ZSCAN21: variants seen among roughly 807,000 people sequenced by gnomAD.
ZSCAN21 encodes the protein zinc finger and SCAN domain containing 21.
Under a neutral mutation model 35.6 loss-of-function variants are expected in ZSCAN21, and 26 were observed. That is an observed-to-expected ratio of 0.73 (90% CI 0.54 to 1.01). The LOEUF (loss-of-function observed/expected upper bound fraction) is 1.01, where lower values mean the gene tolerates loss of function less well. Among genes scored for constraint, ZSCAN21 ranks in the 50% least tolerant of loss-of-function variants. The probability of loss-of-function intolerance (pLI) is 0.00; values close to 1 mark genes in which losing one functional copy is unlikely to be tolerated. For missense variants in ZSCAN21, 593 were observed against 587.1 expected (o/e 1.01, Z -0.10); for synonymous variants, 219 against 219.3 (o/e 1.00, Z 0.01).
At chr7:100,054,728 A>T (rs1584371231) in intron 1 of ZSCAN21, among the ~76,000 whole-genome samples, 2 of 148,174 alleles carry the variant, frequency 1.3e-5, no homozygotes, top group East Asian at 4.2e-4. Context: ...AGTCCCAGCT[A>T]CTCAGGAGGC....
In ZSCAN21 at chr7:100,064,221, G is replaced by A; in HGVS notation, c.1026G>A (p.Gly342=). Residue 342 remains glycine, a synonymous_variant, in exon 4 of 4, where the codon GGG becomes GGA. Transcript: ENST00000292450. ...PYDCKCGKAF[G]QSSDLLKHQR... is the part of the protein sequence containing the mutation. ...ACTGTAAGTGTGGAAAAGCTTTTGG[G>A]CAGAGCTCAGACCTTCTTAAACATC... 1 of 1,614,092 alleles carries A rather than the reference G, an allele frequency of 6.2e-7. No individual in the cohort carries two copies. The highest frequency in any genetic ancestry group is 8.5e-7 in the Non-Finnish European group (1 of 1,180,014).
chr7:100,057,709 T>A lies in ZSCAN21; in HGVS notation c.411T>A (p.Pro137=). ...LDEPGHQVST[P]PNEQKPVWEK... ...CTGATTGTCTCTAGGTCTCAACTCC[T>A]CCAAACGAACAGAAACCGGTGTGGG... The change falls in exon 3 of 4, where the codon CCT becomes CCA. Residue 137 remains proline (P), a synonymous_variant. Transcript: ENST00000292450. The A allele has an allele frequency of 4.3e-6, 7 of 1,611,022 alleles. No homozygotes were observed. Among genetic ancestry groups the A allele is most frequent in the Non-Finnish European group, 5.9e-6 (7 of 1,178,556 alleles).
intron 1 of ZSCAN21, among the ~76,000 whole-genome samples, chr7:100,052,839 T>C (rs921225827): frequency 6.6e-6 from 1 of 152,040 alleles, no homozygotes; most frequent in African/African-American, 2.4e-5. Context: ...ACCGCAAAAC[T>C]GATGTACCAC....
intron 1 of ZSCAN21, among the ~76,000 whole-genome samples, chr7:100,055,965 G>A (rs1792060083): frequency 7.4e-6 from 1 of 135,468 alleles, no homozygotes; most frequent in Non-Finnish European, 1.5e-5. Flanking sequence ...TTTTTAGACG[G>A]AGTCTCGCTC....
chr7:100,056,062 C>T (rs1407984780), intron 1 of ZSCAN21, among the ~76,000 whole-genome samples: 1 of 151,912 alleles, frequency 6.6e-6, no homozygotes, highest in African/African-American at 2.4e-5. Context: ...TGCTCAGCCT[C>T]CCAAGTAGCT....
intron 1 of ZSCAN21, among the ~76,000 whole-genome samples, chr7:100,052,098 T>A (rs1420410447): frequency 6.6e-6 from 1 of 151,796 alleles, no homozygotes. Context: ...AATAAATAAA[T>A]TTTTTTTAAT....
chr7:100,060,868 A>C (rs1295948018), intron 3 of ZSCAN21, among the ~76,000 whole-genome samples: 1 of 151,372 alleles, frequency 6.6e-6, no homozygotes, highest in African/African-American at 2.4e-5. Flanking sequence ...CAAAAAAAAA[A>C]AAAAAAAAAA....
intron 2 of ZSCAN21, 142 bp downstream of exon 2, chr7:100,057,547 C>A: frequency 1.5e-6 from 2 of 1,372,074 alleles, no homozygotes; most frequent in Non-Finnish European, 2.0e-6. Context: ...TTTTCTCTAT[C>A]ATCCTAAACT....
In ZSCAN21 at chr7:100,057,234, C is replaced by T. The variant is rs201288133; in HGVS notation, c.228C>T (p.Pro76=). The change falls in exon 2 of 4, where the codon CCC becomes CCT. Residue 76 remains proline (P), a synonymous_variant. Transcript: ENST00000292450. ...TGCTCTGCTGTGAGTGGCTGAGGCC[C>T]GAGATCCACACCAAGGAGCAGATCC... ...LRVLCCEWLR[P]EIHTKEQILE... is the part of the protein sequence containing the mutation. The T allele has an allele frequency of 7.4e-5, 120 of 1,613,780 alleles. No individual in the cohort carries two copies. In the East Asian group the frequency reaches 1.3e-3, roughly 18 times the overall value.
intron 1 of ZSCAN21, among the ~76,000 whole-genome samples, chr7:100,050,676 C>T (rs775656839): frequency 6.6e-6 from 1 of 150,642 alleles, no homozygotes; most frequent in East Asian, 2.0e-4. Flanking sequence ...CCAGCCTGGG[C>T]GACAGAGCAA....
intron 1 of ZSCAN21, among the ~76,000 whole-genome samples, chr7:100,051,234 G>T (rs1370052289): frequency 7.9e-6 from 1 of 126,556 alleles, no homozygotes; most frequent in Non-Finnish European, 1.6e-5. Flanking sequence ...GTGGAATTCT[G>T]TGGCTCAAGA....
At position 100,064,354 on chromosome 7, in the gene ZSCAN21, C is replaced by G. The variant is rs149041845; in HGVS notation, c.1159C>G (p.Pro387Ala). The change falls in exon 4 of 4, where the codon CCT becomes GCT. Residue 387 changes from proline to alanine, a missense_variant. Pro to Ala is a conservative substitution (Grantham distance 27). Transcript: ENST00000292450. Reference sequence around the variant, plus strand: ...CTATCGGATCCACACTGGGGAGAAGCCTTATCAGTGTAACGAATGTGGGAA... The same window carrying G: ...CTATCGGATCCACACTGGGGAGAAGGCTTATCAGTGTAACGAATGTGGGAA... ...RHYRIHTGEK[P>A]YQCNECGKSF... 5.4e-4 allele frequency: 871 copies of G among 1,613,986 alleles called. No individual in the cohort carries two copies. Among genetic ancestry groups the G allele is most frequent in the Non-Finnish European group, 7.1e-4 (838 of 1,180,040 alleles).
intron 3 of ZSCAN21, among the ~76,000 whole-genome samples, chr7:100,059,228 C>T (rs1458773866): frequency 6.6e-6 from 1 of 152,160 alleles, no homozygotes; most frequent in Non-Finnish European, 1.5e-5. Flanking sequence ...ATCACATTTT[C>T]TAGGAAAAGT....
chr7:100,057,183 C>G lies in ZSCAN21; in HGVS notation c.177C>G (p.Pro59=), dbSNP rs781030517. The G allele has an allele frequency of 6.2e-6, 10 of 1,613,814 alleles. No individual in the cohort carries two copies. The highest frequency in any genetic ancestry group is 1.3e-5 in the African/African-American group (1 of 74,896). ...RQFGYHDTPG[P]REALSQLRVL... ...TTGGGTACCATGATACCCCTGGACC[C>G]CGAGAGGCCCTGAGCCAACTCCGGG... is the stretch of plus-strand genomic sequence containing the variant. The change falls in exon 2 of 4, where the codon CCC becomes CCG. Residue 59 remains proline (P), a synonymous_variant. Transcript: ENST00000292450.
chr7:100,053,454 C>A (rs1018517704), intron 1 of ZSCAN21, among the ~76,000 whole-genome samples: 2 of 151,262 alleles, frequency 1.3e-5, no homozygotes, highest in African/African-American at 4.9e-5. Flanking sequence ...AGGGTGCCCT[C>A]CTCTGGATAG....
Position 100,057,903 on chromosome 7 carries a change from C to A in ZSCAN21, c.592+13C>A. 1 of 1,580,034 alleles carries A rather than the reference C, an allele frequency of 6.3e-7. No homozygotes were observed. Among genetic ancestry groups the A allele is most frequent in the South Asian group, 1.2e-5 (1 of 86,708 alleles). ...AGAAAGGTCCGAGGTGAGGACCACC[C>A]ATTAGACTCCTATTCAGTGCCCCAG... On this transcript the variant is annotated intron_variant, in intron 3 of 3. Transcript: ENST00000292450.
At chr7:100,060,166 T>G (rs1160706879) in intron 3 of ZSCAN21, among the ~76,000 whole-genome samples, 1 of 152,268 alleles carries the variant, frequency 6.6e-6, no homozygotes. Context: ...GGAAGTCATC[T>G]GAAATGCTAC....
rs1467257916 is a variant in ZSCAN21 at position 100,064,355 on chromosome 7, C to G, written c.1160C>G (p.Pro387Arg). 9.9e-6 allele frequency: 16 copies of G among 1,614,004 alleles called. No homozygotes were observed. Among genetic ancestry groups the G allele is most frequent in the Non-Finnish European group, 1.3e-5 (15 of 1,180,038 alleles). ...TATCGGATCCACACTGGGGAGAAGC[C>G]TTATCAGTGTAACGAATGTGGGAAG... Reference protein sequence around the residue: ...RHYRIHTGEKPYQCNECGKSF... With the variant: ...RHYRIHTGEKRYQCNECGKSF... The change falls in exon 4 of 4, where the codon CCT (proline) becomes CGT (arginine). Residue 387 changes from proline to arginine, a missense_variant. Coordinates refer to ENST00000292450, the MANE Select transcript of ZSCAN21 (RefSeq NM_145914.3).
rs776839322 is a variant in ZSCAN21 at position 100,064,956 on chromosome 7, T to A, written c.*339T>A. ...TTAAGATTGTTTAATTTTTAACATA[T>A]ATTCAAGAATTTTAATTTGTAAAGA... is the stretch of plus-strand genomic sequence containing the variant. On this transcript the variant is annotated 3_prime_UTR_variant, in exon 4 of 4. Coordinates refer to ENST00000292450, the MANE Select transcript of ZSCAN21 (RefSeq NM_145914.3). 6.2e-7 allele frequency: 1 copy of A among 1,605,454 alleles called. No homozygotes were observed. Among genetic ancestry groups the A allele is most frequent in the Non-Finnish European group, 8.5e-7 (1 of 1,174,614 alleles).
Sources: allele counts gnomAD v4.1 joint callset (sites outside exome capture counted in the v4.1 genomes callset), GRCh38; gene constraint gnomAD v4.1.1; transcripts MANE v1.5; gene names NCBI Gene and HGNC (gene_info 2026-07-23, HGNC 2026-07-21).